Variants in ARHGAP20 observed in about 807,000 individuals in gnomAD.
ARHGAP20 encodes the protein rho GTPase-activating protein 20.
A neutral mutation model predicts 73.7 loss-of-function variants in ARHGAP20; 34 were observed. The ratio of observed to expected loss-of-function variants is 0.46; its 90% CI spans 0.35 to 0.61. ARHGAP20 has a LOEUF of 0.61. Ranked by LOEUF, ARHGAP20 falls within the 20% of genes least tolerant of loss-of-function variation. The pLI is 0.00. For synonymous variants in ARHGAP20, 523 were observed against 518.2 expected (o/e 1.01, Z -0.13); for missense variants, 1,314 against 1,420.9 (o/e 0.92, Z 1.21).
rs1318967751 is a variant in ARHGAP20, at chr11:110,678,402, T to TA, written c.188+12144dup. Among the ~76,000 whole-genome samples the TA allele has an allele frequency of 3.3e-5, 5 of 152,224 alleles. No individual in the cohort carries two copies. In the East Asian group the frequency reaches 9.6e-4, roughly 29 times the overall value. On this transcript the variant is annotated intron_variant, in intron 2 of 14. Coordinates refer to ENST00000683387, the MANE Select transcript of ARHGAP20 (RefSeq NM_001384657.1). ...ATAAAGATGTTGTTTTGTTTTGTTT[T>TA]AAAAAAGATGTTGTCTGGCCCCTTT...
intron 2 of ARHGAP20, among the ~76,000 whole-genome samples, 167 bp from the exon 3 acceptor site, chr11:110,630,959 CAAAGA>C (rs1345998809): frequency 1.3e-5 from 2 of 152,030 alleles, no homozygotes; most frequent in African/African-American, 4.8e-5. Flanking sequence ...AATTTTGAAA[CAAAGA>C]AAAGTTGAAA....
At chr11:110,708,781 T>C (rs975120774) in intron 1 of ARHGAP20, among the ~76,000 whole-genome samples, 4 of 152,222 alleles carry the variant, frequency 2.6e-5, no homozygotes, top group Non-Finnish European at 4.4e-5. Flanking sequence ...GGATGACGAA[T>C]ATATTCCTTA....
chr11:110,642,923 T>C (rs761799756), intron 2 of ARHGAP20, among the ~76,000 whole-genome samples: 57 of 152,246 alleles, frequency 3.7e-4, no homozygotes, highest in Middle Eastern at 3.4e-3. Context: ...GGGCTTTTTT[T>C]GGTTGGTAGG....
intron 2 of ARHGAP20, among the ~76,000 whole-genome samples, chr11:110,636,853 G>A (rs1400296649): frequency 1.3e-5 from 2 of 151,410 alleles, no homozygotes; most frequent in East Asian, 3.9e-4. Flanking sequence ...AAGTGTAGAT[G>A]TGTTTATTTT....
rs543814950 is a variant in ARHGAP20 at position 110,599,934 on chromosome 11, A to G, written c.964+6627T>C. On this transcript the variant is annotated intron_variant, in intron 9 of 14. Transcript: ENST00000683387. ...CTCTCTGCTAGGAGTTGGACATCTG[A>G]TGGGATGACCTGCCTGCAGAGAGGA... Among the ~76,000 whole-genome samples the G allele has an allele frequency of 3.3e-5, 5 of 152,164 alleles. No homozygotes were observed. The East Asian group carries it at 9.7e-4, about 29-fold the overall frequency.
At chr11:110,710,380 T>G (rs1384065989) in intron 1 of ARHGAP20, among the ~76,000 whole-genome samples, 2 of 151,946 alleles carry the variant, frequency 1.3e-5, no homozygotes, top group South Asian at 2.1e-4. Flanking sequence ...ACTTGATAAA[T>G]GATAATAAAG....
Position 110,580,728 on chromosome 11 carries a change from C to T in ARHGAP20, c.2218G>A (p.Glu740Lys), listed in dbSNP as rs1360895028. The stretch of plus-strand genomic sequence containing the variant: ...GGTTGATTCTGCTTCAGATAGTCTT[C>T]ATCTTTTTGAGAAAGAATTGCATCA... ...SCDAILSQKD[E>K]DYLKQNQPLQ... The change falls in exon 15 of 15, where the codon GAA becomes AAA. Residue 740 changes from glutamate to lysine, a missense_variant. Glu to Lys is a moderately conservative substitution (Grantham distance 56, BLOSUM62 1). Around this residue, in one of 3 missense-constraint regions of ARHGAP20, gnomAD observed 641 missense variants for 636.9 expected, o/e 1.01. Transcript: ENST00000683387. 1.2e-6 allele frequency: 2 copies of T among 1,614,080 alleles called. No individual in the cohort carries two copies. The highest frequency in any genetic ancestry group is 1.7e-6 in the Non-Finnish European group (2 of 1,179,990).
intron 2 of ARHGAP20, among the ~76,000 whole-genome samples, chr11:110,645,445 GC>G (rs1336877702): frequency 1.3e-5 from 2 of 152,144 alleles, no homozygotes. Flanking sequence ...AGGCAGAATG[GC>G]TTTTGTTAAA....
At chr11:110,629,397 A>G (rs775064591) in intron 3 of ARHGAP20, among the ~76,000 whole-genome samples, 2 of 152,224 alleles carry the variant, frequency 1.3e-5, no homozygotes, top group Non-Finnish European at 2.9e-5. Context: ...ATCTAGCATA[A>G]AGAACTCATC....
intron 4 of ARHGAP20, among the ~76,000 whole-genome samples, chr11:110,622,709 T>C (rs1244754557): frequency 6.6e-6 from 1 of 152,158 alleles, no homozygotes; most frequent in African/African-American, 2.4e-5. Context: ...TCCTGCATAA[T>C]ATAGCTCACT....
At chr11:110,705,827 C>CT (rs1950543806) in intron 1 of ARHGAP20, among the ~76,000 whole-genome samples, 1 of 152,126 alleles carries the variant, frequency 6.6e-6, no homozygotes. Flanking sequence ...GAAATATACT[C>CT]TTCTGAGTTT....
chr11:110,668,467 G>A (rs76973984), intron 2 of ARHGAP20, among the ~76,000 whole-genome samples: 3,521 of 152,092 alleles, frequency 0.023, 124 homozygotes, highest in African/African-American at 0.073. Context: ...TGGGCAACAT[G>A]GCAAAACTGT....
chr11:110,666,192 T>C (rs1397310336), intron 2 of ARHGAP20, among the ~76,000 whole-genome samples: 2 of 152,038 alleles, frequency 1.3e-5, no homozygotes, highest in Admixed American at 6.5e-5. Context: ...AACGATACAA[T>C]ACTGAGAGAA....
intron 2 of ARHGAP20, among the ~76,000 whole-genome samples, chr11:110,639,335 C>T (rs1168369130): frequency 1.3e-5 from 2 of 151,320 alleles, no homozygotes; most frequent in African/African-American, 4.8e-5. Flanking sequence ...TACTGAACCT[C>T]CGAGTTCTCT....
At chr11:110,601,154 C>T (rs1458526707) in intron 9 of ARHGAP20, among the ~76,000 whole-genome samples, 1 of 152,134 alleles carries the variant, frequency 6.6e-6, no homozygotes, top group Non-Finnish European at 1.5e-5. Flanking sequence ...GCAAAATACC[C>T]ATTTCCTAGG....
chr11:110,693,608 C>T (rs1950282452), intron 1 of ARHGAP20, among the ~76,000 whole-genome samples: 1 of 151,916 alleles, frequency 6.6e-6, no homozygotes, highest in South Asian at 2.1e-4. Flanking sequence ...ATACACTTAT[C>T]TCTTTCTTTT....
In ARHGAP20 at chr11:110,579,299, G is replaced by T. The variant is rs1286247839; in HGVS notation, c.*71C>A. 2 of 1,491,052 alleles carry T rather than the reference G, an allele frequency of 1.3e-6. No individual in the cohort carries two copies. Among genetic ancestry groups the T allele is most frequent in the Admixed American group, 4.4e-5 (2 of 45,822 alleles). The allele number at this position is 1,491,052 out of a possible 1,614,324, so 92.4% of individuals were successfully genotyped here. A position where few individuals can be genotyped will look rare whatever the true frequency, so the allele number is the denominator to read the frequency against. ...CTCTCCCAGGTATCTTATACAAAGG[G>T]GTCATAATAATTATTGTCTATTATT... On this transcript the variant is annotated 3_prime_UTR_variant, in exon 15 of 15. Coordinates refer to ENST00000683387, the MANE Select transcript of ARHGAP20 (RefSeq NM_001384657.1).
intron 2 of ARHGAP20, among the ~76,000 whole-genome samples, chr11:110,645,970 G>T (rs1005626725): frequency 2.6e-5 from 4 of 151,970 alleles, no homozygotes; most frequent in Non-Finnish European, 4.4e-5. Flanking sequence ...CTATTAGAAG[G>T]GGGAGAGAGG....
chr11:110,606,055 G>A (rs1243976666), intron 9 of ARHGAP20, among the ~76,000 whole-genome samples: 2 of 152,194 alleles, frequency 1.3e-5, no homozygotes, highest in Non-Finnish European at 2.9e-5. Flanking sequence ...GGGTGGGTAA[G>A]AGACTGCTAT....
Sources: gnomAD v4.1 joint callset for allele counts (sites outside exome capture counted in the v4.1 genomes callset) on GRCh38, gnomAD v4.1.1 for gene constraint, gnomAD v4.1.1 regional missense constraint, MANE v1.5 for transcripts, NCBI Gene and HGNC (gene_info 2026-07-23, HGNC 2026-07-21) for gene names.